IGF1R: variants seen among roughly 807,000 people sequenced by gnomAD.
IGF1R encodes insulin-like growth factor 1 receptor.
In IGF1R, 44 loss-of-function variants were observed where a neutral mutation model predicts 144.6. The observed-to-expected ratio is 0.30, with a 90% CI of 0.24 to 0.39. IGF1R has a LOEUF of 0.39. Ranked by LOEUF, IGF1R falls within the 10% of genes least tolerant of loss-of-function variation. IGF1R has a pLI of 1.00. For synonymous variants in IGF1R, 795 were observed against 722.8 expected, an observed-to-expected ratio of 1.10 and a Z score of -1.60; for missense variants, 1,355 against 1,833.7, an observed-to-expected ratio of 0.74 and a Z score of 4.77.
intron 19 of IGF1R, among the ~76,000 whole-genome samples, chr15:98,944,685 T>C (rs1474732677): frequency 6.6e-6 from 1 of 152,180 alleles, no homozygotes; most frequent in Non-Finnish European, 1.5e-5. Flanking sequence ...ACCCCAGAAT[T>C]TTAGGATTTG....
At chr15:98,695,921 ATC>A (rs2053584904) in intron 1 of IGF1R, among the ~76,000 whole-genome samples, 1 of 151,696 alleles carries the variant, frequency 6.6e-6, no homozygotes, top group Non-Finnish European at 1.5e-5. Flanking sequence ...CCACTGACTT[ATC>A]TCTCTTAATG....
At chr15:98,676,394 C>T (rs1442327077) in intron 1 of IGF1R, among the ~76,000 whole-genome samples, 1 of 152,026 alleles carries the variant, frequency 6.6e-6, no homozygotes, top group Non-Finnish European at 1.5e-5. Context: ...CCTCGACCTC[C>T]CAAAGTGCTA....
chr15:98,695,921 A>G (rs759056483), intron 1 of IGF1R, among the ~76,000 whole-genome samples: 1 of 151,696 alleles, frequency 6.6e-6, no homozygotes. Flanking sequence ...CCACTGACTT[A>G]TCTCTCTTAA....
intron 20 of IGF1R, 59 bp from the exon 21 acceptor site, chr15:98,957,002 G>T (rs1047124141): frequency 1.9e-6 from 3 of 1,602,016 alleles, no homozygotes; most frequent in African/African-American, 2.7e-5. Context: ...GGCCCATGAA[G>T]CCTCCTGGCC....
In IGF1R at chr15:98,912,600, C is replaced by T. The variant is rs1055845518; in HGVS notation, c.1590-444C>T. On this transcript the variant is annotated intron_variant, in intron 7 of 20. Coordinates refer to ENST00000650285, the MANE Select transcript of IGF1R (RefSeq NM_000875.5). Reference sequence around the variant, plus strand: ...ATTTGAATATTATAAGATGCTTAAGCATCAGAATTGTTTATGAGCAATCTG... The same window carrying T: ...ATTTGAATATTATAAGATGCTTAAGTATCAGAATTGTTTATGAGCAATCTG... Among the ~76,000 whole-genome samples the T allele has an allele frequency of 7.2e-5, 11 of 152,342 alleles. No homozygotes were observed. The East Asian group carries it at 1.5e-3, about 21-fold the overall frequency.
intron 6 of IGF1R, 101 bp from the exon 7 acceptor site, chr15:98,911,214 T>C: frequency 7.2e-7 from 1 of 1,390,798 alleles, no homozygotes; most frequent in Non-Finnish European, 1.0e-6. Context: ...ACTTAGCATA[T>C]ACAGCCAGCT....
At chr15:98,688,775 G>A (rs538564935) in intron 1 of IGF1R, among the ~76,000 whole-genome samples, 9 of 152,214 alleles carry the variant, frequency 5.9e-5, no homozygotes, top group South Asian at 4.1e-4. Context: ...TGGAAATGGC[G>A]TGCAAGCTCT....
At chr15:98,694,155 A>C (rs1721338095) in intron 1 of IGF1R, among the ~76,000 whole-genome samples, 1 of 152,052 alleles carries the variant, frequency 6.6e-6, no homozygotes, top group South Asian at 2.1e-4. Flanking sequence ...TTAAAGCATA[A>C]TTGTTCGTGT....
chr15:98,861,439 T>C (rs1175698830), intron 2 of IGF1R, among the ~76,000 whole-genome samples: 1 of 152,184 alleles, frequency 6.6e-6, no homozygotes, highest in Non-Finnish European at 1.5e-5. Context: ...TGCTCCTTAG[T>C]GTTCATAACC....
At chr15:98,942,219 G>A (rs1332008523) in intron 18 of IGF1R, among the ~76,000 whole-genome samples, 3 of 152,178 alleles carry the variant, frequency 2.0e-5, no homozygotes, top group Non-Finnish European at 4.4e-5. Context: ...GTAAGCATCT[G>A]TACTCTCCTG....
intron 1 of IGF1R, among the ~76,000 whole-genome samples, chr15:98,657,933 C>A (rs2052522306): frequency 6.6e-6 from 1 of 152,200 alleles, no homozygotes; most frequent in Non-Finnish European, 1.5e-5. Flanking sequence ...CCAGTGCAGA[C>A]CTGCATTGAC....
At chr15:98,899,301 G>A (rs1186359885) in intron 4 of IGF1R, among the ~76,000 whole-genome samples, 176 bp from the exon 5 acceptor site, 3 of 152,324 alleles carry the variant, frequency 2.0e-5, no homozygotes, top group Non-Finnish European at 4.4e-5. Flanking sequence ...TCCAGGAGTC[G>A]TTGTTGAGAG....
intron 1 of IGF1R, among the ~76,000 whole-genome samples, chr15:98,662,167 G>C (rs1439692268): frequency 1.3e-5 from 2 of 151,310 alleles, no homozygotes; most frequent in Non-Finnish European, 2.9e-5. Flanking sequence ...TTCTAGTAGA[G>C]ACGGGGTTTA....
chr15:98,703,647 G>T (rs1033420788), intron 1 of IGF1R, among the ~76,000 whole-genome samples: 1 of 152,196 alleles, frequency 6.6e-6, no homozygotes, highest in Non-Finnish European at 1.5e-5. Flanking sequence ...TATGGAGACT[G>T]CTCTTTCATT....
chr15:98,868,974 T>C (rs2012620338), intron 2 of IGF1R, among the ~76,000 whole-genome samples: 1 of 152,206 alleles, frequency 6.6e-6, no homozygotes, highest in African/African-American at 2.4e-5. Context: ...GGCTTGTGCA[T>C]AGGTTAGATT....
chr15:98,651,866 C>T (rs1248450213), intron 1 of IGF1R, among the ~76,000 whole-genome samples: 1 of 151,580 alleles, frequency 6.6e-6, no homozygotes, highest in South Asian at 2.1e-4. Flanking sequence ...AGTACCTGCC[C>T]CTCCCTCCAT....
At chr15:98,685,816 G>T (rs2053313543) in intron 1 of IGF1R, among the ~76,000 whole-genome samples, 1 of 152,238 alleles carries the variant, frequency 6.6e-6, no homozygotes, top group Non-Finnish European at 1.5e-5. Flanking sequence ...TGGAGCCGCA[G>T]CCTCCTTGGG....
chr15:98,948,606 C>T lies in IGF1R; in HGVS notation c.3620C>T (p.Thr1207Ile). 6.2e-7 allele frequency: 1 copy of T among 1,614,160 alleles called. No individual in the cohort carries two copies. Residue 1207 changes from threonine to isoleucine, a missense_variant, in exon 20 of 21, where the codon ACA becomes ATA. By Grantham distance (89) the Thr-to-Ile change is moderately conservative (BLOSUM62 -1). Coordinates refer to ENST00000650285, the MANE Select transcript of IGF1R (RefSeq NM_000875.5). Reference sequence around the variant, plus strand: ...GGGGTCGTCCTCTGGGAGATCGCCACACTGGCCGAGCAGCCCTACCAGGGC... The same window carrying T: ...GGGGTCGTCCTCTGGGAGATCGCCATACTGGCCGAGCAGCCCTACCAGGGC... ...SFGVVLWEIA[T>I]LAEQPYQGLS...
chr15:98,844,558 G>T (rs2011243024), intron 2 of IGF1R, among the ~76,000 whole-genome samples: 2 of 151,992 alleles, frequency 1.3e-5, no homozygotes, highest in Admixed American at 6.6e-5. Flanking sequence ...AGTTAGGCTT[G>T]TGTAAATGTA....
Sources: allele counts gnomAD v4.1 joint callset (sites outside exome capture counted in the v4.1 genomes callset), GRCh38; gene constraint gnomAD v4.1.1; transcripts MANE v1.5; gene names NCBI Gene and HGNC (gene_info 2026-07-23, HGNC 2026-07-21).